Variants in CNTNAP2 observed in about 807,000 individuals in gnomAD.
CNTNAP2 encodes contactin-associated protein-like 2.
In CNTNAP2, 98 loss-of-function variants were observed where a neutral mutation model predicts 155.2. The observed-to-expected ratio is 0.63, with a 90% CI of 0.54 to 0.75. The LOEUF (loss-of-function observed/expected upper bound fraction) is 0.75. CNTNAP2 is among the 30% of genes least tolerant of loss of function. The pLI is 0.00. For missense variants in CNTNAP2, 1,727 were observed against 1,688.1 expected, an observed-to-expected ratio of 1.02 and a Z score of -0.40; for synonymous variants, 651 against 631.2, an observed-to-expected ratio of 1.03 and a Z score of -0.47.
At chr7:146,249,109 C>G (rs2116940545) in intron 1 of CNTNAP2, among the ~76,000 whole-genome samples, 1 of 152,108 alleles carries the variant, frequency 6.6e-6, no homozygotes, top group East Asian at 1.9e-4. Context: ...AGGAACAGGC[C>G]ATTTTCACTT....
intron 13 of CNTNAP2, among the ~76,000 whole-genome samples, chr7:147,752,091 A>T (rs1797145226): frequency 6.6e-6 from 1 of 152,264 alleles, no homozygotes; most frequent in Non-Finnish European, 1.5e-5. Context: ...GAGAAAATAT[A>T]AAATTACTTA....
intron 10 of CNTNAP2, among the ~76,000 whole-genome samples, chr7:147,404,736 T>C (rs1197972031): frequency 6.6e-6 from 1 of 152,154 alleles, no homozygotes; most frequent in Non-Finnish European, 1.5e-5. Flanking sequence ...TGTTTATACA[T>C]AAACATTTAA....
intron 10 of CNTNAP2, among the ~76,000 whole-genome samples, chr7:147,475,684 G>C (rs1491000746): frequency 6.6e-6 from 1 of 151,816 alleles, no homozygotes; most frequent in Non-Finnish European, 1.5e-5. Context: ...CTGGATTTGT[G>C]TCTTCATTAG....
chr7:146,936,928 G>T (rs536953683), intron 3 of CNTNAP2, among the ~76,000 whole-genome samples: 10 of 152,114 alleles, frequency 6.6e-5, no homozygotes, highest in Admixed American at 1.3e-4. Flanking sequence ...AGGTTTCATT[G>T]CTTCACTAAA....
intron 21 of CNTNAP2, among the ~76,000 whole-genome samples, chr7:148,306,331 G>A (rs941564731): frequency 1.5e-4 from 23 of 152,090 alleles, no homozygotes; most frequent in African/African-American, 5.3e-4. Context: ...CACACATGGG[G>A]CCTTTTAATC....
intron 1 of CNTNAP2, among the ~76,000 whole-genome samples, chr7:146,175,445 G>A (rs563725383): frequency 6.6e-6 from 1 of 152,250 alleles, no homozygotes; most frequent in Non-Finnish European, 1.5e-5. Context: ...AATGGTTAAG[G>A]TGGGGCTGTT....
At chr7:147,691,696 A>C (rs1360010767) in intron 13 of CNTNAP2, among the ~76,000 whole-genome samples, 1 of 152,164 alleles carries the variant, frequency 6.6e-6, no homozygotes, top group African/African-American at 2.4e-5. Flanking sequence ...AATATTTTCA[A>C]TAAGCTTTAT....
At chr7:147,496,677 C>A (rs1324144080) in intron 11 of CNTNAP2, 1 of 152,138 alleles carries the variant, frequency 6.6e-6, no homozygotes, top group African/African-American at 2.4e-5. Flanking sequence ...AATTAAGACA[C>A]CTGGATTTGT....
At chr7:147,801,854 G>C (rs905942342) in intron 13 of CNTNAP2, among the ~76,000 whole-genome samples, 6 of 64,314 alleles carry the variant, frequency 9.3e-5, no homozygotes, top group Non-Finnish European at 1.6e-4. Flanking sequence ...CTCCCAGACG[G>C]GGGGGGCGGC....
At chr7:146,707,014 A>G (rs1006482579) in intron 1 of CNTNAP2, among the ~76,000 whole-genome samples, 1 of 152,208 alleles carries the variant, frequency 6.6e-6, no homozygotes, top group African/African-American at 2.4e-5. Flanking sequence ...TAGCCCAGCA[A>G]AATGCACTTT....
intron 18 of CNTNAP2, among the ~76,000 whole-genome samples, chr7:148,187,522 T>C (rs141612562): frequency 6.6e-6 from 1 of 152,340 alleles, no homozygotes; most frequent in East Asian, 1.9e-4. Context: ...AACGAGCTTC[T>C]GATGATGGAA....
At chr7:148,113,481 A>G (rs1804400452) in intron 15 of CNTNAP2, among the ~76,000 whole-genome samples, 1 of 152,208 alleles carries the variant, frequency 6.6e-6, no homozygotes, top group African/African-American at 2.4e-5. Flanking sequence ...ACAATTAGAC[A>G]TGAGATTTGG....
chr7:147,299,401 G>T (rs917223028), intron 8 of CNTNAP2, among the ~76,000 whole-genome samples: 1 of 150,320 alleles, frequency 6.7e-6, no homozygotes, highest in Admixed American at 6.6e-5. Flanking sequence ...AAGTGCCATT[G>T]TTGGGGATAT....
intron 11 of CNTNAP2, among the ~76,000 whole-genome samples, chr7:147,508,787 T>C (rs565047700): frequency 2.6e-5 from 4 of 152,318 alleles, no homozygotes; most frequent in African/African-American, 9.6e-5. Flanking sequence ...CTCTCTTGCC[T>C]GACACTATGT....
At chr7:146,378,393 A>G (rs185680402) in intron 1 of CNTNAP2, among the ~76,000 whole-genome samples, 1 of 152,242 alleles carries the variant, frequency 6.6e-6, no homozygotes, top group East Asian at 1.9e-4. Flanking sequence ...GATGATGATG[A>G]TGGTGATGAT....
At chr7:148,163,744 A>G (rs545096802) in intron 17 of CNTNAP2, among the ~76,000 whole-genome samples, 3 of 152,166 alleles carry the variant, frequency 2.0e-5, no homozygotes, top group Non-Finnish European at 4.4e-5. Context: ...TTGCCCTCCA[A>G]TATCTAGCTG....
chr7:147,918,139 T>C (rs1272796200), intron 14 of CNTNAP2, among the ~76,000 whole-genome samples: 2 of 152,194 alleles, frequency 1.3e-5, no homozygotes, highest in Non-Finnish European at 2.9e-5. Context: ...CTCTCTTATC[T>C]GCAATTAGAT....
rs535128263 is a variant in CNTNAP2, at chr7:146,325,037, C to T, written c.97+208064C>T. Among the ~76,000 whole-genome samples the T allele has an allele frequency of 1.6e-3, 246 of 152,110 alleles. 1 individual carries two copies. The highest frequency in any genetic ancestry group is 5.7e-3 in the African/African-American group (237 of 41,496). ...GCATCCTCTACGTTCTGTAATCAAGCGATCCTCCCGCCTGAGCCTCCTGAG... is the reference window on the plus strand; with the variant it reads ...GCATCCTCTACGTTCTGTAATCAAGTGATCCTCCCGCCTGAGCCTCCTGAG... On this transcript the variant is annotated intron_variant, in intron 1 of 23. Coordinates refer to ENST00000361727, the MANE Select transcript of CNTNAP2 (RefSeq NM_014141.6).
rs1214559734 is a variant in CNTNAP2 at position 146,386,213 on chromosome 7, C to A, written c.97+269240C>A. The stretch of plus-strand genomic sequence containing the variant: ...TATTTATTTTCTATCCTCCAACACC[C>A]AAACTCCCATGCTCATCCCTCCTCC... On this transcript the variant is annotated intron_variant, in intron 1 of 23. Transcript: ENST00000361727. Among the ~76,000 whole-genome samples, 2 of 152,046 alleles carry A rather than the reference C, an allele frequency of 1.3e-5. 1 individual carries two copies. Among genetic ancestry groups the A allele is most frequent in the Non-Finnish European group, 2.9e-5 (2 of 68,002 alleles).
Sources: gnomAD v4.1 joint callset for allele counts (sites outside exome capture counted in the v4.1 genomes callset) on GRCh38, gnomAD v4.1.1 for gene constraint, MANE v1.5 for transcripts, NCBI Gene and HGNC (gene_info 2026-07-23, HGNC 2026-07-21) for gene names.